CAT: variants seen among roughly 807,000 people sequenced by gnomAD.
The protein encoded by CAT is catalase.
Under a neutral mutation model 59.0 loss-of-function variants are expected in CAT, and 43 were observed. That is an observed-to-expected ratio of 0.73 (90% CI 0.57 to 0.94). The LOEUF is 0.94. CAT is among the 40% of genes least tolerant of loss of function. The pLI, the probability that CAT is intolerant of heterozygous loss-of-function variation, is 0.00. For synonymous variants in CAT, 218 were observed against 230.9 expected (o/e 0.94, Z 0.51); for missense variants, 664 against 682.9 (o/e 0.97, Z 0.31).
intron 8 of CAT, chr11:34,460,697 C>G (rs1307950307): frequency 5.8e-6 from 1 of 171,194 alleles, no homozygotes; most frequent in Non-Finnish European, 1.3e-5. Flanking sequence ...AAGCGATCCT[C>G]TCACCTTGGC....
chr11:34,441,135 AC>A (rs1339246400), intron 1 of CAT, among the ~76,000 whole-genome samples: 1 of 152,152 alleles, frequency 6.6e-6, no homozygotes, highest in African/African-American at 2.4e-5. Context: ...AAAACCGCTT[AC>A]TTCTTTTAGG....
At chr11:34,463,698 A>G (rs905734791) in intron 9 of CAT, among the ~76,000 whole-genome samples, 2 of 152,224 alleles carry the variant, frequency 1.3e-5, no homozygotes, top group African/African-American at 4.8e-5. Context: ...ATTGAGCCCA[A>G]GTCCAAATGA....
rs1429637967 is a variant in CAT at position 34,461,445 on chromosome 11, T to C, written c.1195+56T>C. The C allele has an allele frequency of 3.1e-6, 5 of 1,603,816 alleles. No individual in the cohort carries two copies. The Admixed American group carries it at 8.3e-5, about 27-fold the overall frequency. ...GTGGGCAGAGGGCACGTGGAGCAGA[T>C]GGGCGGGAGGCCAGGCCAGTGGCTC... is the stretch of plus-strand genomic sequence containing the variant. On this transcript the variant is annotated intron_variant, in intron 9 of 12. Coordinates refer to ENST00000241052, the MANE Select transcript of CAT (RefSeq NM_001752.4).
intron 2 of CAT, among the ~76,000 whole-genome samples, chr11:34,450,567 G>C (rs770837261): frequency 2.6e-5 from 4 of 152,148 alleles, no homozygotes; most frequent in Non-Finnish European, 5.9e-5. Context: ...TTTCCATCTT[G>C]ACTTGTTTAG....
intron 9 of CAT, 76 bp from the exon 10 acceptor site, chr11:34,464,029 C>T: frequency 7.0e-7 from 1 of 1,427,270 alleles, no homozygotes; most frequent in Non-Finnish European, 9.9e-7. Context: ...GAATTTATTT[C>T]TCATCACAGT....
At chr11:34,468,174 T>C in intron 10 of CAT, 114 bp from the exon 11 acceptor site, 1 of 816,250 alleles carries the variant, frequency 1.2e-6, no homozygotes, top group Non-Finnish European at 2.1e-6. Flanking sequence ...TTAAAATTAT[T>C]CTTAACTTCT....
rs555885195 is a variant in CAT, at chr11:34,446,776, C to T, written c.67-2416C>T. Among the ~76,000 whole-genome samples the T allele has an allele frequency of 2.7e-5, 4 of 150,828 alleles. No homozygotes were observed. The South Asian group carries it at 8.4e-4, about 32-fold the overall frequency. ...TTTTTTTTGAGACGGAGTTTCGCTG[C>T]TGTTGCCCAGGCTGGAGTGCAATGG... On this transcript the variant is annotated intron_variant, in intron 1 of 12. Coordinates refer to ENST00000241052, the MANE Select transcript of CAT (RefSeq NM_001752.4).
chr11:34,460,849 T>G, intron 8 of CAT: 2 of 268,168 alleles, frequency 7.5e-6, no homozygotes, highest in Non-Finnish European at 1.5e-5. Context: ...TTCCCTGGAG[T>G]GGGGGAATGA....
At chr11:34,439,259 G>C (rs972782730) in intron 1 of CAT, among the ~76,000 whole-genome samples, 180 bp downstream of exon 1, 1 of 152,182 alleles carries the variant, frequency 6.6e-6, no homozygotes, top group East Asian at 1.9e-4. Flanking sequence ...GGGGAGGGGG[G>C]TCCGGGTAGT....
intron 1 of CAT, among the ~76,000 whole-genome samples, chr11:34,440,611 G>A (rs1419656079): frequency 1.4e-5 from 2 of 147,708 alleles, no homozygotes; most frequent in East Asian, 3.9e-4. Flanking sequence ...TGCCCAGGCT[G>A]GAGTGCAGTG....
intron 9 of CAT, among the ~76,000 whole-genome samples, chr11:34,461,967 TAA>T (rs1856656941): frequency 6.6e-6 from 1 of 152,220 alleles, no homozygotes; most frequent in Non-Finnish European, 1.5e-5. Context: ...CCTAAGTGAA[TAA>T]AGTTAGGTGA....
intron 1 of CAT, among the ~76,000 whole-genome samples, chr11:34,445,517 A>G (rs1337160504): frequency 1.3e-5 from 2 of 150,528 alleles, no homozygotes; most frequent in African/African-American, 4.9e-5. Context: ...AAAAAAAAAA[A>G]AAAAAGAAAA....
At chr11:34,464,084 C>T (rs1256641455) in intron 9 of CAT, 21 bp from the exon 10 acceptor site, 3 of 1,613,870 alleles carry the variant, frequency 1.9e-6, no homozygotes, top group Non-Finnish European at 2.5e-6. Context: ...CTAAGTGCAT[C>T]TGGGTGGTTT....
At chr11:34,446,017 A>T (rs1162632363) in intron 1 of CAT, among the ~76,000 whole-genome samples, 3 of 152,062 alleles carry the variant, frequency 2.0e-5, no homozygotes, top group African/African-American at 7.2e-5. Context: ...CTCTCATTTC[A>T]TCTAGTAAAT....
intron 11 of CAT, among the ~76,000 whole-genome samples, chr11:34,469,764 C>T (rs982229336): frequency 6.6e-6 from 1 of 151,800 alleles, no homozygotes; most frequent in Non-Finnish European, 1.5e-5. Flanking sequence ...CTCCTGGGTT[C>T]AAGAGATTTT....
Position 34,456,000 on chromosome 11 carries a change from TC to T in CAT, c.712-10del, listed in dbSNP as rs1856584602. The T allele has an allele frequency of 6.2e-7, 1 of 1,612,640 alleles. No homozygotes were observed. The stretch of plus-strand genomic sequence containing the variant: ...AAGTTTCCATTGGAGCTTCTTTCTT[TC>T]ATTTTGTAGACTGACCAGGGCATCA... On this transcript the variant is annotated splice_polypyrimidine_tract_variant and intron_variant, in intron 6 of 12. Transcript: ENST00000241052.
At chr11:34,456,275 A>G in intron 7 of CAT, 73 bp downstream of exon 7, 1 of 1,135,878 alleles carries the variant, frequency 8.8e-7, no homozygotes, top group South Asian at 1.3e-5. Flanking sequence ...AAATCTAGTC[A>G]AACAATTATA....
At chr11:34,456,865 A>G in intron 8 of CAT, 48 bp downstream of exon 8, 1 of 1,589,172 alleles carries the variant, frequency 6.3e-7, no homozygotes. Flanking sequence ...CCATGTGAGC[A>G]TGCACACACA....
At chr11:34,470,732 A>G (rs1243426892) in intron 11 of CAT, 21 of 577,050 alleles carry the variant, frequency 3.6e-5, no homozygotes, top group South Asian at 9.3e-5. Context: ...ACATAAGCTC[A>G]GTAAGTTAAG....
Sources: allele counts gnomAD v4.1 joint callset (sites outside exome capture counted in the v4.1 genomes callset), GRCh38; gene constraint gnomAD v4.1.1; transcripts MANE v1.5; gene names NCBI Gene and HGNC (gene_info 2026-07-23, HGNC 2026-07-21).